Variants in EFCAB13 observed in about 807,000 individuals in gnomAD.
EFCAB13 encodes EF-hand calcium-binding domain-containing protein 13.
EFCAB13 carries 91 observed loss-of-function variants against 110.2 expected under a neutral mutation model. The observed-to-expected ratio is 0.83, with a 90% CI of 0.70 to 0.98. EFCAB13 has a LOEUF of 0.98. Among genes scored for constraint, EFCAB13 ranks in the 50% least tolerant of loss-of-function variants. EFCAB13 has a pLI of 0.00. For missense variants in EFCAB13, 968 were observed against 1,119.4 expected, an observed-to-expected ratio of 0.86 and a Z score of 1.93; for synonymous variants, 323 against 369.9, an observed-to-expected ratio of 0.87 and a Z score of 1.45.
Position 47,431,821 on chromosome 17 carries a change from TTTCTTTG to T in EFCAB13, c.2638+1864_2638+1870del, listed in dbSNP as rs1905120707. ...TTTTTATATTCTTACTGATGTTTTA[TTTCTTTG>T]TTCAATAGTTACTGAAACAGTTGTT... On this transcript the variant is annotated intron_variant, in intron 24 of 24. Coordinates refer to ENST00000331493, the MANE Select transcript of EFCAB13 (RefSeq NM_152347.5). The surrounding 1 kb of genome is among the most constrained non-coding windows in gnomAD (Gnocchi z 4.1). Among the ~76,000 whole-genome samples the T allele has an allele frequency of 6.6e-6, 1 of 152,240 alleles. No homozygotes were observed. The highest frequency in any genetic ancestry group is 1.5e-5 in the Non-Finnish European group (1 of 68,050).
At chr17:47,420,686 A>C (rs1306381821) in intron 23 of EFCAB13, among the ~76,000 whole-genome samples, 1 of 138,080 alleles carries the variant, frequency 7.2e-6, no homozygotes, top group Non-Finnish European at 1.6e-5. Flanking sequence ...GCCCCGTCTG[A>C]GAAGTGAGGA....
intron 9 of EFCAB13, among the ~76,000 whole-genome samples, chr17:47,358,863 G>A (rs942162415): frequency 3.9e-5 from 6 of 152,158 alleles, no homozygotes; most frequent in African/African-American, 1.2e-4. Flanking sequence ...TGTTCTTATT[G>A]AGACTCAGTC....
At chr17:47,348,083 G>T in intron 9 of EFCAB13, 132 bp downstream of exon 9, 5 of 691,298 alleles carry the variant, frequency 7.2e-6, no homozygotes, top group Non-Finnish European at 1.0e-5. Flanking sequence ...CATATTGTAT[G>T]TTACAAAACA....
At chr17:47,385,479 G>A (rs1305443977) in intron 14 of EFCAB13, among the ~76,000 whole-genome samples, 5 of 151,756 alleles carry the variant, frequency 3.3e-5, no homozygotes, top group African/African-American at 1.2e-4. Flanking sequence ...CTTGTGCCGT[G>A]TTTTTCAGCC....
At chr17:47,410,029 C>G (rs1213503231) in intron 21 of EFCAB13, among the ~76,000 whole-genome samples, 1 of 152,058 alleles carries the variant, frequency 6.6e-6, no homozygotes, top group Non-Finnish European at 1.5e-5. Context: ...ATTCTATTCC[C>G]TGGAATATTC....
At chr17:47,413,793 A>G (rs755245855) in intron 22 of EFCAB13, among the ~76,000 whole-genome samples, 1 of 152,142 alleles carries the variant, frequency 6.6e-6, no homozygotes, top group Non-Finnish European at 1.5e-5. Flanking sequence ...TATTTGAGTC[A>G]ATAAATATAG....
intron 5 of EFCAB13, among the ~76,000 whole-genome samples, chr17:47,338,160 G>C (rs951494966): frequency 2.0e-5 from 3 of 151,962 alleles, no homozygotes; most frequent in Non-Finnish European, 4.4e-5. Flanking sequence ...GGATATATGG[G>C]GGATATAAAG....
intron 17 of EFCAB13, among the ~76,000 whole-genome samples, 197 bp downstream of exon 17, chr17:47,396,174 AATTT>A (rs1439629214): frequency 1.3e-5 from 2 of 152,138 alleles, no homozygotes; most frequent in African/African-American, 4.8e-5. Context: ...ATTATTATGT[AATTT>A]ATTATTGCTC....
intron 5 of EFCAB13, among the ~76,000 whole-genome samples, chr17:47,336,436 C>T (rs1344627445): frequency 6.6e-6 from 1 of 151,842 alleles, no homozygotes; most frequent in East Asian, 1.9e-4. Flanking sequence ...GGATTATAGG[C>T]GACCACCACC....
chr17:47,344,061 C>G, intron 6 of EFCAB13, 101 bp from the exon 7 acceptor site: 1 of 1,312,182 alleles, frequency 7.6e-7, no homozygotes, highest in Non-Finnish European at 1.0e-6. Context: ...AATGAGGAGC[C>G]AAGGTATGAT....
chr17:47,328,133 A>G (rs2065298197), intron 3 of EFCAB13, 136 bp from the exon 4 acceptor site: 1 of 515,092 alleles, frequency 1.9e-6, no homozygotes, highest in Non-Finnish European at 3.5e-6. Context: ...GTTTGCCCAC[A>G]TATCTGTGTT....
At chr17:47,383,279 T>C (rs2065657052) in intron 14 of EFCAB13, among the ~76,000 whole-genome samples, 1 of 152,146 alleles carries the variant, frequency 6.6e-6, no homozygotes, top group African/African-American at 2.4e-5. Flanking sequence ...CTCTATCTCT[T>C]TCTGTTTTTC....
At position 47,370,581 on chromosome 17, in the gene EFCAB13, GTTTTA is replaced by G. The variant is rs569940754; in HGVS notation, c.877+80_877+84del. On this transcript the variant is annotated intron_variant, in intron 11 of 24. Transcript: ENST00000331493. ...CTTTACATTAAATCTTAATTTATAA[GTTTTA>G]TTTTATAAAGGGTTTTGAAAACCTT... is the stretch of plus-strand genomic sequence containing the variant. 1.8e-4 allele frequency: 186 copies of G among 1,041,816 alleles called. 1 individual carries two copies. The highest frequency in any genetic ancestry group is 4.0e-4 in the African/African-American group (24 of 60,632). The allele number at this position is 1,041,816 out of a possible 1,614,324, so 64.5% of individuals were successfully genotyped here.
intron 9 of EFCAB13, among the ~76,000 whole-genome samples, chr17:47,350,302 A>G (rs1374811794): frequency 1.3e-5 from 2 of 152,198 alleles, no homozygotes; most frequent in Non-Finnish European, 2.9e-5. Context: ...ATATTCAAAC[A>G]TTCTATCTCT....
At chr17:47,376,894 AT>A (rs952747987) in intron 12 of EFCAB13, among the ~76,000 whole-genome samples, 1 of 152,038 alleles carries the variant, frequency 6.6e-6, no homozygotes, top group Non-Finnish European at 1.5e-5. Flanking sequence ...TTCATTTTGG[AT>A]TTTTCTTTTA....
chr17:47,325,031 T>C (rs56303211), intron 2 of EFCAB13, among the ~76,000 whole-genome samples: 1,876 of 39,224 alleles, frequency 0.048, 360 homozygotes, highest in African/African-American at 0.12. Context: ...CCCACCCCCC[T>C]TTTTTTTTTT....
intron 10 of EFCAB13, chr17:47,369,938 C>G (rs373395376): frequency 3.5e-4 from 55 of 155,618 alleles, no homozygotes; most frequent in African/African-American, 1.3e-3. Context: ...CAAAGTAAAT[C>G]GTTGTTTGCT....
chr17:47,430,145 G>A, intron 24 of EFCAB13, 184 bp downstream of exon 24: 1 of 1,237,826 alleles, frequency 8.1e-7, no homozygotes, highest in Admixed American at 3.8e-5. Flanking sequence ...AACAAATGGG[G>A]AAGTCAGAGC....
chr17:47,354,684 C>T (rs569303560), intron 9 of EFCAB13, among the ~76,000 whole-genome samples: 3 of 152,252 alleles, frequency 2.0e-5, no homozygotes, highest in Admixed American at 2.0e-4. Flanking sequence ...AGAATAGCTA[C>T]TCCTGCTTGC....
Sources: allele counts gnomAD v4.1 joint callset (sites outside exome capture counted in the v4.1 genomes callset), GRCh38; gene constraint gnomAD v4.1.1; non-coding constraint Gnocchi (gnomAD v3.1); transcripts MANE v1.5; gene names NCBI Gene and HGNC (gene_info 2026-07-23, HGNC 2026-07-21).